RANBP2: variants seen among roughly 807,000 people sequenced by gnomAD.
RANBP2 encodes the protein RAN binding protein 2, also known as E3 SUMO-protein ligase RanBP2.
RANBP2 carries 57 observed loss-of-function variants against 303.6 expected under a neutral mutation model. That is an observed-to-expected ratio of 0.19 (90% CI 0.15 to 0.23). The LOEUF is 0.23. Among genes scored for constraint, RANBP2 ranks in the 10% least tolerant of loss-of-function variants. The pLI, the probability that RANBP2 is intolerant of heterozygous loss-of-function variation, is 1.00. For synonymous variants in RANBP2, 1,167 were observed against 1,301.5 expected, an observed-to-expected ratio of 0.90 and a Z score of 2.23; for missense variants, 3,138 against 3,780.8, an observed-to-expected ratio of 0.83 and a Z score of 4.46.
chr2:109,684,934 C>T, the RANBP2 span, among the ~76,000 whole-genome samples: 172 of 152,030 alleles, frequency 1.1e-3, 1 homozygote, highest in South Asian at 2.3e-3. Context: ...AGTGCAGTGG[C>T]GCAATCTCAG....
chr2:109,054,582 C>T, the RANBP2 span, among the ~76,000 whole-genome samples: 2 of 152,048 alleles, frequency 1.3e-5, no homozygotes, highest in East Asian at 3.9e-4. Context: ...CACCTGTAGT[C>T]CCAGCTCCTT....
the RANBP2 span, among the ~76,000 whole-genome samples, chr2:108,866,305 AC>A: frequency 6.6e-6 from 1 of 152,024 alleles, no homozygotes; most frequent in Non-Finnish European, 1.5e-5. Flanking sequence ...CAGGATCATC[AC>A]CTCCATCTCA....
At chr2:109,636,619 C>A in the RANBP2 span, among the ~76,000 whole-genome samples, 2 of 152,078 alleles carry the variant, frequency 1.3e-5, no homozygotes, top group Non-Finnish European at 2.9e-5. Context: ...AAGATAATGG[C>A]AAAATCTGAA....
chr2:108,734,011 G>T (rs1188738314), intron 4 of RANBP2, among the ~76,000 whole-genome samples: 1 of 150,966 alleles, frequency 6.6e-6, no homozygotes. Flanking sequence ...GTATGAGATA[G>T]AACTTTTTAA....
the RANBP2 span, among the ~76,000 whole-genome samples, chr2:108,989,994 T>A: frequency 2.6e-5 from 4 of 152,086 alleles, no homozygotes; most frequent in Non-Finnish European, 4.4e-5. Context: ...CATGAGAAAG[T>A]AAGAGCTTAA....
chr2:109,503,149 T>G, the RANBP2 span: 3 of 152,196 alleles, frequency 2.0e-5, no homozygotes, highest in African/African-American at 7.2e-5. Flanking sequence ...GTTCTCAAGA[T>G]TCACACCTTA....
the RANBP2 span, among the ~76,000 whole-genome samples, chr2:109,656,170 G>A: frequency 6.6e-6 from 1 of 152,142 alleles, no homozygotes; most frequent in African/African-American, 2.4e-5. Flanking sequence ...ATGAGCCACA[G>A]CAGGGGCCAT....
At chr2:109,412,600 C>T in the RANBP2 span, among the ~76,000 whole-genome samples, 1 of 152,188 alleles carries the variant, frequency 6.6e-6, no homozygotes, top group Non-Finnish European at 1.5e-5. Flanking sequence ...CACCCCTGCC[C>T]TTTGTCAGCT....
At chr2:109,616,105 C>T in the RANBP2 span, 1 of 1,454,248 alleles carries the variant, frequency 6.9e-7, no homozygotes, top group Non-Finnish European at 9.1e-7. Flanking sequence ...GTTTATTTGT[C>T]TTAATAAATT....
chr2:109,493,113 A>G, the RANBP2 span, among the ~76,000 whole-genome samples: 1 of 150,618 alleles, frequency 6.6e-6, no homozygotes. Flanking sequence ...CACCACAGAT[A>G]CATCATATAA....
At chr2:109,657,510 C>T in the RANBP2 span, among the ~76,000 whole-genome samples, 3 of 151,958 alleles carry the variant, frequency 2.0e-5, no homozygotes, top group Non-Finnish European at 4.4e-5. Flanking sequence ...TAGGATGTTC[C>T]CAACCATGTT....
rs976767736 is a variant in RANBP2, at chr2:108,775,638, C to G, written c.8293-94C>G. 3.7e-6 allele frequency: 5 copies of G among 1,340,044 alleles called. No individual in the cohort carries two copies. In the African/African-American group the frequency reaches 7.2e-5, roughly 19 times the overall value. The allele number at this position is 1,340,044 out of a possible 1,614,324, so 83.0% of individuals were successfully genotyped here. ...GTGTTTATTCTATCTTCTCCAGAAG[C>G]CCAAGTTCTCAATTCCCTTTGAAAT... On this transcript the variant is annotated intron_variant, in intron 23 of 28. Transcript: ENST00000283195.
the RANBP2 span, among the ~76,000 whole-genome samples, chr2:109,051,329 T>G: frequency 6.6e-6 from 1 of 152,198 alleles, no homozygotes; most frequent in Non-Finnish European, 1.5e-5. Context: ...CTTTTTTGTC[T>G]GTGTTTCACT....
the RANBP2 span, among the ~76,000 whole-genome samples, chr2:109,685,006 T>C: frequency 6.6e-6 from 1 of 151,816 alleles, no homozygotes; most frequent in Non-Finnish European, 1.5e-5. Flanking sequence ...CCCGAGTAGC[T>C]AGGATTACAG....
the RANBP2 span, among the ~76,000 whole-genome samples, chr2:108,803,134 A>G: frequency 6.6e-6 from 1 of 152,180 alleles, no homozygotes; most frequent in African/African-American, 2.4e-5. Flanking sequence ...TGTGCAGGTA[A>G]AGAGGCATTA....
At chr2:109,066,126 T>G in the RANBP2 span, among the ~76,000 whole-genome samples, 1 of 151,506 alleles carries the variant, frequency 6.6e-6, no homozygotes, top group East Asian at 1.9e-4. Context: ...TTTTTTTTTC[T>G]GAGACATAGT....
the RANBP2 span, among the ~76,000 whole-genome samples, chr2:108,960,201 C>A: frequency 2.0e-5 from 3 of 152,292 alleles, no homozygotes; most frequent in East Asian, 3.9e-4. Flanking sequence ...CACCAGTTCT[C>A]CCCGGGGCTG....
At chr2:108,820,712 A>AAGAC in the RANBP2 span, among the ~76,000 whole-genome samples, 1 of 22,606 alleles carries the variant, frequency 4.4e-5, no homozygotes, top group Admixed American at 4.4e-4. Flanking sequence ...AAAAAAAAAA[A>AAGAC]AAACAAACAA....
the RANBP2 span, among the ~76,000 whole-genome samples, chr2:109,203,326 G>A: frequency 1.2e-4 from 18 of 152,244 alleles, no homozygotes; most frequent in Non-Finnish European, 7.3e-5. Flanking sequence ...AGACAGTGGC[G>A]CAGATGCGGC....
Sources: allele counts gnomAD v4.1 joint callset (sites outside exome capture counted in the v4.1 genomes callset), GRCh38; gene constraint gnomAD v4.1.1; transcripts MANE v1.5; gene names NCBI Gene and HGNC (gene_info 2026-07-23, HGNC 2026-07-21).